MCM3: variants seen among roughly 807,000 people sequenced by gnomAD.
The protein encoded by MCM3 is DNA replication licensing factor MCM3.
MCM3 carries 59 observed loss-of-function variants against 91.3 expected under a neutral mutation model. The observed-to-expected ratio is 0.65, with a 90% CI of 0.52 to 0.80. MCM3 has a LOEUF of 0.80. Ranked by LOEUF, MCM3 falls within the 30% of genes least tolerant of loss-of-function variation. The pLI is 0.00. For missense variants in MCM3, 919 were observed against 1,035.4 expected (o/e 0.89, Z 1.54); for synonymous variants, 383 against 379.6 (o/e 1.01, Z -0.10).
In MCM3 at chr6:52,278,810, C is replaced by T; in HGVS notation, c.811G>A (p.Asp271Asn). Residue 271 changes from aspartate to asparagine, a missense_variant, in exon 6 of 17, where the codon GAT (aspartate) becomes AAT (asparagine). Physicochemically the swap from Asp to Asn is conservative, Grantham distance 23. Around this residue, in one of 3 missense-constraint regions of MCM3, gnomAD observed 401 missense variants for 402.7 expected, o/e 1.00. Coordinates refer to ENST00000596288, the MANE Select transcript of MCM3 (RefSeq NM_002388.6). ...TCAGCAGAGAAAGAGGGCTGAGCAT[C>T]CTTGCTCATCTGCTTAACATTACAG... ...IACNVKQMSKDAQPSFSAEDI... is the reference protein window; with the variant it reads ...IACNVKQMSKNAQPSFSAEDI... 1 of 1,613,888 alleles carries T rather than the reference C, an allele frequency of 6.2e-7. No individual in the cohort carries two copies. The highest frequency in any genetic ancestry group is 1.1e-5 in the South Asian group (1 of 91,014).
In MCM3 at chr6:52,264,690, G is replaced by A. The variant is rs776133469; in HGVS notation, c.2325C>T (p.Asp775=). The change falls in exon 17 of 17, where the codon GAC becomes GAT. Residue 775 remains aspartate (D), a synonymous_variant. Transcript: ENST00000596288. ...MNRLTESINR[D]SEEPFSSVEI... is the part of the protein sequence containing the mutation. ...CAACTGAAGAGAAGGGCTCTTCGCT[G>A]TCCCGGTTGATGGATTCTGTGAGGC... 2 of 1,614,192 alleles carry A rather than the reference G, an allele frequency of 1.2e-6. No individual in the cohort carries two copies. Among genetic ancestry groups the A allele is most frequent in the Non-Finnish European group, 1.7e-6 (2 of 1,180,034 alleles).
At chr6:52,279,260 A>G (rs1396800804) in intron 5 of MCM3, 101 bp downstream of exon 5, 6 of 971,992 alleles carry the variant, frequency 6.2e-6, no homozygotes, top group Non-Finnish European at 9.4e-6. Flanking sequence ...TGCTCCACCT[A>G]TCAGATATAA....
chr6:52,276,546 T>A, intron 8 of MCM3, 70 bp from the exon 9 acceptor site: 3 of 1,276,766 alleles, frequency 2.3e-6, no homozygotes, highest in Middle Eastern at 2.0e-4. Flanking sequence ...AGGATTTCAA[T>A]CTCCTTCCTA....
In MCM3 at chr6:52,269,245, G is replaced by C; in HGVS notation, c.1828-19C>G. On this transcript the variant is annotated intron_variant, in intron 12 of 16. Transcript: ENST00000596288. ...GAGATGTCTAGGGAAGAAAAGGGAG[G>C]ATTGCTTATCCCAAGTCTTTTAGGC... 1 of 1,597,830 alleles carries C rather than the reference G, an allele frequency of 6.3e-7. No individual in the cohort carries two copies. The highest frequency in any genetic ancestry group is 8.6e-7 in the Non-Finnish European group (1 of 1,167,196).
intron 14 of MCM3, among the ~76,000 whole-genome samples, chr6:52,267,093 C>CTTT (rs1562373623): frequency 1.3e-5 from 1 of 78,442 alleles, no homozygotes; most frequent in Non-Finnish European, 3.0e-5. Flanking sequence ...CCCAGGGTAT[C>CTTT]TTCTTTTTTT....
chr6:52,274,712 G>A (rs993142856), intron 9 of MCM3, among the ~76,000 whole-genome samples: 3 of 151,454 alleles, frequency 2.0e-5, no homozygotes, highest in Non-Finnish European at 4.4e-5. Context: ...AAAAATCAAG[G>A]GAGTTTTTCC....
Position 52,273,909 on chromosome 6 carries a change from T to C in MCM3, c.1382A>G (p.Gln461Arg), listed in dbSNP as rs1271826620. 1 of 1,608,648 alleles carries C rather than the reference T, an allele frequency of 6.2e-7. No homozygotes were observed. Among genetic ancestry groups the C allele is most frequent in the Non-Finnish European group, 8.5e-7 (1 of 1,176,830 alleles). Reference sequence around the variant, plus strand: ...AATGTTCTCCATTGGAGTCTTATACTGGTCATACTGGGGAATGCGAGGACA... The same window carrying C: ...AATGTTCTCCATTGGAGTCTTATACCGGTCATACTGGGGAATGCGAGGACA... Reference protein sequence around the residue: ...AANPVYGRYDQYKTPMENIGL... With the variant: ...AANPVYGRYDRYKTPMENIGL... Residue 461 changes from glutamine to arginine, a missense_variant, in exon 10 of 17, where the codon CAG (glutamine) becomes CGG (arginine). By Grantham distance (43) the Gln-to-Arg change is conservative. Around this residue, in one of 3 missense-constraint regions of MCM3, gnomAD observed 233 missense variants for 321.2 expected, o/e 0.73. Coordinates refer to ENST00000596288, the MANE Select transcript of MCM3 (RefSeq NM_002388.6).
intron 16 of MCM3, chr6:52,265,248 CA>C (rs1764551152): frequency 2.4e-6 from 1 of 425,150 alleles, no homozygotes; most frequent in East Asian, 7.5e-5. Context: ...GGAAACCCTG[CA>C]GTCATTAAAA....
Position 52,276,285 on chromosome 6 carries a change from T to C in MCM3, c.1357A>G (p.Asn453Asp). The change falls in exon 9 of 17, where the codon AAC becomes GAC. Residue 453 changes from asparagine to aspartate, a missense_variant. By Grantham distance (23) the Asn-to-Asp change is conservative. This residue lies in a region of MCM3 where 233 missense variants were observed against 321.2 expected (regional missense o/e 0.73). Transcript: ENST00000596288. ...NARCSVLAAANPVYGRYDQYK... is the reference protein window; with the variant it reads ...NARCSVLAAADPVYGRYDQYK... Reference sequence around the variant, plus strand: ...CCACTTACCCTGCCGTAGACAGGGTTGGCAGCTGCCAAAACACTGCAGCGG... The same window carrying C: ...CCACTTACCCTGCCGTAGACAGGGTCGGCAGCTGCCAAAACACTGCAGCGG... 1 of 1,611,716 alleles carries C rather than the reference T, an allele frequency of 6.2e-7. No homozygotes were observed. The highest frequency in any genetic ancestry group is 8.5e-7 in the Non-Finnish European group (1 of 1,179,588).
intron 6 of MCM3, 134 bp from the exon 7 acceptor site, chr6:52,277,822 A>T: frequency 1.4e-6 from 1 of 703,420 alleles, no homozygotes; most frequent in South Asian, 2.0e-5. Flanking sequence ...TAATCCTAGC[A>T]CTTTGGGAGG....
At chr6:52,284,386 A>T (rs140111631) in intron 1 of MCM3, among the ~76,000 whole-genome samples, 1 of 152,334 alleles carries the variant, frequency 6.6e-6, no homozygotes, top group African/African-American at 2.4e-5. Flanking sequence ...GCTTGTACTT[A>T]AGAGAAAGCT....
chr6:52,271,428 A>T (rs1765120975), intron 12 of MCM3, among the ~76,000 whole-genome samples: 1 of 152,188 alleles, frequency 6.6e-6, no homozygotes, highest in Non-Finnish European at 1.5e-5. Context: ...GGATCACCTG[A>T]GGTAGGAAGT....
intron 7 of MCM3, 149 bp from the exon 8 acceptor site, chr6:52,277,347 G>T: frequency 1.0e-6 from 1 of 976,738 alleles, no homozygotes; most frequent in Non-Finnish European, 1.5e-6. Flanking sequence ...ACCACTCACG[G>T]AAGAATATTT....
chr6:52,281,966 T>C (rs945126497), intron 4 of MCM3, 79 bp downstream of exon 4: 9 of 1,441,856 alleles, frequency 6.2e-6, no homozygotes, highest in Non-Finnish European at 8.5e-6. Context: ...AGACTTCAGA[T>C]ATTACACAAT....
In MCM3 at chr6:52,267,042, G is replaced by A. The variant is rs1427776000; in HGVS notation, c.2073-346C>T. Among the ~76,000 whole-genome samples the A allele has an allele frequency of 2.0e-5, 3 of 151,148 alleles. No homozygotes were observed. In the East Asian group the frequency reaches 5.8e-4, roughly 29 times the overall value. ...TATTTAGCATTTCTTCAGTAGAGGG[G>A]TCAAAAGCACACAAGAAGGACTCGC... is the stretch of plus-strand genomic sequence containing the variant. On this transcript the variant is annotated intron_variant, in intron 14 of 16. Coordinates refer to ENST00000596288, the MANE Select transcript of MCM3 (RefSeq NM_002388.6).
At chr6:52,283,640 C>G (rs754730027) in intron 1 of MCM3, among the ~76,000 whole-genome samples, 23 of 152,186 alleles carry the variant, frequency 1.5e-4, no homozygotes, top group Non-Finnish European at 2.9e-4. Context: ...TGCTGTTATT[C>G]CCATCATCAT....
At chr6:52,267,646 GC>G (rs1319398197) in intron 14 of MCM3, among the ~76,000 whole-genome samples, 1 of 150,898 alleles carries the variant, frequency 6.6e-6, no homozygotes, top group Non-Finnish European at 1.5e-5. Context: ...TCCGACCCCA[GC>G]CTACCGAGCA....
intron 5 of MCM3, 38 bp downstream of exon 5, chr6:52,279,323 T>C: frequency 6.6e-7 from 1 of 1,515,162 alleles, no homozygotes; most frequent in Non-Finnish European, 9.1e-7. Flanking sequence ...ATGGAAGCTG[T>C]CAACAGCATT....
intron 10 of MCM3, 121 bp downstream of exon 10, chr6:52,273,621 G>T: frequency 1.9e-6 from 2 of 1,036,724 alleles, no homozygotes; most frequent in Non-Finnish European, 2.8e-6. Flanking sequence ...CTAAACAGTT[G>T]AGGGCTCTTC....
Sources: gnomAD v4.1 joint callset for allele counts (sites outside exome capture counted in the v4.1 genomes callset) on GRCh38, gnomAD v4.1.1 for gene constraint, gnomAD v4.1.1 regional missense constraint, MANE v1.5 for transcripts, NCBI Gene and HGNC (gene_info 2026-07-23, HGNC 2026-07-21) for gene names.